Variants in SEMA6D observed in about 807,000 individuals in gnomAD.
The protein encoded by SEMA6D is semaphorin 6D, also known as semaphorin-6D.
A neutral mutation model predicts 106.6 loss-of-function variants in SEMA6D; 35 were observed. The ratio of observed to expected loss-of-function variants is 0.33; its 90% CI spans 0.25 to 0.44. SEMA6D has a LOEUF of 0.44. Ranked by LOEUF, SEMA6D falls within the 20% of genes least tolerant of loss-of-function variation. The pLI, the probability that SEMA6D is intolerant of heterozygous loss-of-function variation, is 1.00. For synonymous variants in SEMA6D, 499 were observed against 487.7 expected, an observed-to-expected ratio of 1.02 and a Z score of -0.31; for missense variants, 1,185 against 1,345.9, an observed-to-expected ratio of 0.88 and a Z score of 1.87.
intron 3 of SEMA6D, among the ~76,000 whole-genome samples, chr15:47,484,197 G>A (rs779276347): frequency 5.3e-5 from 8 of 152,102 alleles, no homozygotes; most frequent in Admixed American, 1.3e-4. Flanking sequence ...TGTGGCAGCA[G>A]GAAGGGTATT....
intron 1 of SEMA6D, among the ~76,000 whole-genome samples, chr15:47,318,051 G>A (rs1595718787): frequency 1.1e-5 from 1 of 88,080 alleles, no homozygotes; most frequent in African/African-American, 3.5e-5. Flanking sequence ...TAGAAATTAT[G>A]CACATCTTTA....
chr15:47,371,017 TAGATGCTG>T (rs1835966570), intron 1 of SEMA6D, among the ~76,000 whole-genome samples: 1 of 152,222 alleles, frequency 6.6e-6, no homozygotes, highest in Admixed American at 6.5e-5. Flanking sequence ...AGTCAGTTCC[TAGATGCTG>T]GGCATGACCT....
At chr15:47,381,097 A>G (rs999714685) in intron 1 of SEMA6D, among the ~76,000 whole-genome samples, 4 of 152,288 alleles carry the variant, frequency 2.6e-5, no homozygotes. Flanking sequence ...GAAGGGCTGA[A>G]GGCCAGAATT....
chr15:47,374,661 T>C (rs1465484988), intron 1 of SEMA6D, among the ~76,000 whole-genome samples: 1 of 152,166 alleles, frequency 6.6e-6, no homozygotes, highest in Non-Finnish European at 1.5e-5. Context: ...TTCTATATGA[T>C]TGCTGAGACC....
chr15:47,577,758 C>T (rs1284485628), intron 3 of SEMA6D, among the ~76,000 whole-genome samples: 6 of 152,206 alleles, frequency 3.9e-5, no homozygotes, highest in Non-Finnish European at 7.3e-5. Flanking sequence ...CAGCTGGCTT[C>T]TCTTGAAGTC....
At chr15:47,484,869 G>T (rs74011479) in intron 3 of SEMA6D, among the ~76,000 whole-genome samples, 1 of 152,140 alleles carries the variant, frequency 6.6e-6, no homozygotes, top group Admixed American at 6.5e-5. Context: ...TTGTACAGTT[G>T]TGGGGATTGG....
intron 4 of SEMA6D, among the ~76,000 whole-genome samples, chr15:47,627,815 C>A (rs1359476994): frequency 6.6e-6 from 1 of 152,064 alleles, no homozygotes; most frequent in Non-Finnish European, 1.5e-5. Flanking sequence ...GGGACTCCTC[C>A]TATTACCCTT....
intron 2 of SEMA6D, among the ~76,000 whole-genome samples, chr15:47,426,235 G>A (rs574362791): frequency 2.0e-5 from 3 of 152,078 alleles, no homozygotes; most frequent in East Asian, 1.9e-4. Context: ...GAATGCCTAG[G>A]TTCAAGCGAT....
At chr15:47,238,962 C>T (rs902540533) in intron 1 of SEMA6D, among the ~76,000 whole-genome samples, 1 of 152,164 alleles carries the variant, frequency 6.6e-6, no homozygotes, top group Non-Finnish European at 1.5e-5. Flanking sequence ...CAGCGATCTG[C>T]AAGCCACAGG....
At chr15:47,446,348 G>A (rs1049205131) in intron 2 of SEMA6D, among the ~76,000 whole-genome samples, 1 of 152,088 alleles carries the variant, frequency 6.6e-6, no homozygotes, top group South Asian at 2.1e-4. Context: ...TGTTCTTTGC[G>A]GGTCCCAAGG....
intron 4 of SEMA6D, among the ~76,000 whole-genome samples, chr15:47,639,672 G>T (rs967145226): frequency 6.6e-6 from 1 of 152,204 alleles, no homozygotes; most frequent in Non-Finnish European, 1.5e-5. Context: ...CATGTTGATG[G>T]CATGTAACTT....
Position 47,649,020 on chromosome 15 carries a change from G to A in SEMA6D, c.-55+48124G>A, listed in dbSNP as rs548021783. Reference sequence around the variant, plus strand: ...TATGTGAATACATATGTATGTCTATGTGCATAGGACTGGATTTACATATTA... The same window carrying A: ...TATGTGAATACATATGTATGTCTATATGCATAGGACTGGATTTACATATTA... On this transcript the variant is annotated intron_variant, in intron 4 of 19. Transcript: ENST00000558014. 3.3e-5 allele frequency among the ~76,000 whole-genome samples: 5 copies of A among 152,294 alleles called. No homozygotes were observed. The South Asian group carries it at 1.0e-3, about 32-fold the overall frequency.
intron 3 of SEMA6D, among the ~76,000 whole-genome samples, chr15:47,578,522 C>CTATG (rs1370751882): frequency 6.6e-6 from 1 of 152,148 alleles, no homozygotes; most frequent in African/African-American, 2.4e-5. Context: ...ACCAAATGAT[C>CTATG]TATGTATAAT....
At chr15:47,246,291 T>C (rs1275845805) in intron 1 of SEMA6D, among the ~76,000 whole-genome samples, 1 of 151,962 alleles carries the variant, frequency 6.6e-6, no homozygotes, top group Non-Finnish European at 1.5e-5. Flanking sequence ...AGAGAAAACA[T>C]AGGATTATTA....
intron 1 of SEMA6D, among the ~76,000 whole-genome samples, chr15:47,310,464 T>C (rs2036406130): frequency 6.6e-6 from 1 of 152,204 alleles, no homozygotes; most frequent in Non-Finnish European, 1.5e-5. Context: ...ATTGCTCTTT[T>C]CACATTTGTT....
At chr15:47,528,945 A>T (rs1042509835) in intron 3 of SEMA6D, among the ~76,000 whole-genome samples, 2 of 152,202 alleles carry the variant, frequency 1.3e-5, no homozygotes, top group African/African-American at 4.8e-5. Context: ...CTTAACGCAT[A>T]TGTTCATGTT....
At chr15:47,403,948 A>T (rs185793) in intron 1 of SEMA6D, among the ~76,000 whole-genome samples, 96,439 of 151,976 alleles carry the variant, frequency 0.63, 30,931 homozygotes, top group Middle Eastern at 0.72. Context: ...CTGATAAAAG[A>T]TTCGGGATGA....
intron 1 of SEMA6D, among the ~76,000 whole-genome samples, chr15:47,217,437 G>A (rs1595755523): frequency 1.3e-5 from 2 of 152,122 alleles, no homozygotes; most frequent in African/African-American, 4.8e-5. Context: ...ACAGGAAACT[G>A]TAGGGAAATT....
intron 4 of SEMA6D, among the ~76,000 whole-genome samples, chr15:47,620,134 C>G (rs1482976437): frequency 1.3e-5 from 2 of 152,160 alleles, no homozygotes; most frequent in Non-Finnish European, 2.9e-5. Flanking sequence ...CATCTTTTGC[C>G]CAGACAGCAA....
Sources: allele counts gnomAD v4.1 joint callset (sites outside exome capture counted in the v4.1 genomes callset), GRCh38; gene constraint gnomAD v4.1.1; transcripts MANE v1.5; gene names NCBI Gene and HGNC (gene_info 2026-07-23, HGNC 2026-07-21).